Variants in ATP9B observed in about 807,000 individuals in gnomAD.
ATP9B encodes the protein ATPase phospholipid transporting 9B.
ATP9B carries 110 observed loss-of-function variants against 146.1 expected under a neutral mutation model. That is an observed-to-expected ratio of 0.75 (90% CI 0.65 to 0.88). The LOEUF is 0.88. Among genes scored for constraint, ATP9B ranks in the 40% least tolerant of loss-of-function variants. ATP9B has a pLI of 0.00. For missense variants in ATP9B, 1,499 were observed against 1,496.4 expected (o/e 1.00, Z -0.03); for synonymous variants, 604 against 569.7 (o/e 1.06, Z -0.86).
intron 5 of ATP9B, among the ~76,000 whole-genome samples, chr18:79,132,089 A>G (rs2094386144): frequency 6.6e-6 from 1 of 152,254 alleles, no homozygotes; most frequent in Non-Finnish European, 1.5e-5. Flanking sequence ...GGTTCACTTT[A>G]AAATGGCTTT....
At chr18:79,071,083 C>T (rs184904626) in intron 1 of ATP9B, among the ~76,000 whole-genome samples, 2 of 95,272 alleles carry the variant, frequency 2.1e-5, no homozygotes, top group Admixed American at 2.1e-4. Flanking sequence ...TTTTGGGTTA[C>T]TTGGACACTT....
chr18:79,125,865 C>A (rs951698773), intron 4 of ATP9B, among the ~76,000 whole-genome samples: 2 of 152,062 alleles, frequency 1.3e-5, no homozygotes, highest in South Asian at 4.1e-4. Flanking sequence ...TACTTTTATT[C>A]TGTAAGAAAA....
At chr18:79,088,929 C>T (rs1020582836) in intron 1 of ATP9B, among the ~76,000 whole-genome samples, 1 of 152,180 alleles carries the variant, frequency 6.6e-6, no homozygotes, top group Admixed American at 6.5e-5. Flanking sequence ...AAATTGTTCT[C>T]CACTCTTACC....
intron 29 of ATP9B, 105 bp from the exon 30 acceptor site, chr18:79,377,142 G>T (rs1448619729): frequency 1.5e-6 from 2 of 1,363,454 alleles, no homozygotes; most frequent in African/African-American, 2.9e-5. Context: ...TGTTTCCGTG[G>T]CAAGCTTAGA....
intron 9 of ATP9B, among the ~76,000 whole-genome samples, chr18:79,199,907 C>T (rs2095451407): frequency 6.6e-6 from 1 of 152,156 alleles, no homozygotes; most frequent in African/African-American, 2.4e-5. Flanking sequence ...GGATTTGTCC[C>T]AGGATAACAA....
At chr18:79,262,069 G>A (rs4442894) in intron 12 of ATP9B, among the ~76,000 whole-genome samples, 60,627 of 151,392 alleles carry the variant, frequency 0.4, 12,777 homozygotes, top group Middle Eastern at 0.54. Flanking sequence ...TACCCTCGGG[G>A]CCCTGCAGCT....
intron 11 of ATP9B, among the ~76,000 whole-genome samples, chr18:79,218,658 G>A (rs189076938): frequency 2.6e-5 from 4 of 152,100 alleles, no homozygotes; most frequent in African/African-American, 4.8e-5. Flanking sequence ...TGGGTCCAGC[G>A]CAGGCTGACA....
chr18:79,111,153 A>G (rs2075981351), intron 3 of ATP9B, among the ~76,000 whole-genome samples: 1 of 152,218 alleles, frequency 6.6e-6, no homozygotes, highest in Non-Finnish European at 1.5e-5. Context: ...ATATACAATT[A>G]GAATAGTTGA....
At chr18:79,366,486 A>G (rs955971309) in intron 26 of ATP9B, among the ~76,000 whole-genome samples, 1 of 152,252 alleles carries the variant, frequency 6.6e-6, no homozygotes, top group Non-Finnish European at 1.5e-5. Context: ...ACAGGAATCA[A>G]TAAGCCCATG....
At chr18:79,339,465 A>T (rs1169198295) in intron 19 of ATP9B, among the ~76,000 whole-genome samples, 1 of 151,740 alleles carries the variant, frequency 6.6e-6, no homozygotes, top group East Asian at 1.9e-4. Flanking sequence ...TCATGATCAC[A>T]GTAGGAAGTG....
At position 79,298,853 on chromosome 18, in the gene ATP9B, C is replaced by A. The variant is rs1387746364; in HGVS notation, c.1412-4751C>A. Among the ~76,000 whole-genome samples the A allele has an allele frequency of 2.1e-5, 3 of 146,020 alleles. 1 individual carries two copies. Among genetic ancestry groups the A allele is most frequent in the African/African-American group, 7.6e-5 (3 of 39,704 alleles). ...GGCTGTCCCATAGCCACTTCAGACT[C>A]ACCATCTGTGTGTTCTCCCCTTCTC... On this transcript the variant is annotated intron_variant, in intron 13 of 29. Transcript: ENST00000426216.
At chr18:79,253,750 C>T (rs2096053325) in intron 12 of ATP9B, 2 of 454,432 alleles carry the variant, frequency 4.4e-6, no homozygotes, top group Admixed American at 8.2e-5. Flanking sequence ...AGGTGCCATA[C>T]TTTCCTGATA....
At chr18:79,167,007 G>A (rs2094977663) in intron 7 of ATP9B, among the ~76,000 whole-genome samples, 1 of 152,146 alleles carries the variant, frequency 6.6e-6, no homozygotes, top group Non-Finnish European at 1.5e-5. Context: ...GCCAAATCAG[G>A]CGTTCCATAA....
intron 15 of ATP9B, among the ~76,000 whole-genome samples, chr18:79,324,946 T>C (rs1375659138): frequency 1.3e-5 from 2 of 152,100 alleles, no homozygotes; most frequent in African/African-American, 4.8e-5. Flanking sequence ...AGAAAGCAGG[T>C]TTTGAAGTGT....
chr18:79,198,716 A>T (rs551838910), intron 9 of ATP9B, among the ~76,000 whole-genome samples: 6 of 152,316 alleles, frequency 3.9e-5, no homozygotes, highest in African/African-American at 1.4e-4. Context: ...AAGGTACAGT[A>T]AAAAATGCTG....
intron 13 of ATP9B, chr18:79,299,933 A>T (rs968395760): frequency 5.9e-5 from 9 of 152,292 alleles, no homozygotes; most frequent in Non-Finnish European, 1.2e-4. Context: ...CACGAGGAGC[A>T]GCCGTAGGCC....
At chr18:79,369,532 C>CAA (rs67043260) in intron 26 of ATP9B, among the ~76,000 whole-genome samples, 2,682 of 87,702 alleles carry the variant, frequency 0.031, 163 homozygotes, top group African/African-American at 0.11. Flanking sequence ...GAGTCCGTCT[C>CAA]AAAAAAAAAA....
chr18:79,089,464 G>A (rs190866251), intron 1 of ATP9B, among the ~76,000 whole-genome samples: 6 of 152,196 alleles, frequency 3.9e-5, no homozygotes, highest in Admixed American at 2.0e-4. Flanking sequence ...GCTTTGTGTT[G>A]TGGCTCTCTT....
chr18:79,345,000 A>T (rs2096878669), intron 21 of ATP9B, among the ~76,000 whole-genome samples: 2 of 152,108 alleles, frequency 1.3e-5, no homozygotes, highest in Non-Finnish European at 2.9e-5. Flanking sequence ...ATCGTCCTGG[A>T]CCTCTGTTGT....
Sources: gnomAD v4.1 joint callset for allele counts (sites outside exome capture counted in the v4.1 genomes callset) on GRCh38, gnomAD v4.1.1 for gene constraint, MANE v1.5 for transcripts, NCBI Gene and HGNC (gene_info 2026-07-23, HGNC 2026-07-21) for gene names.